The following PTPRE variants were observed in gnomAD, a reference collection of about 807,000 sequenced individuals.
PTPRE encodes the protein receptor-type tyrosine-protein phosphatase epsilon.
PTPRE carries 51 observed loss-of-function variants against 102.0 expected under a neutral mutation model. That is an observed-to-expected ratio of 0.50 (90% confidence interval 0.40 to 0.63). PTPRE has a LOEUF of 0.63. Among genes scored for constraint, PTPRE ranks in the 30% least tolerant of loss-of-function variants. The probability of loss-of-function intolerance (pLI) is 0.00; values close to 1 mark genes in which losing one functional copy is unlikely to be tolerated. For synonymous variants in PTPRE, 345 were observed against 348.2 expected, an observed-to-expected ratio of 0.99 and a Z score of 0.10; for missense variants, 752 against 915.1, an observed-to-expected ratio of 0.82 and a Z score of 2.30.
At position 128,068,199 on chromosome 10, in the gene PTPRE, CT is replaced by C; in HGVS notation, c.924del (p.Phe308LeufsTer7). 6.2e-7 allele frequency: 1 copy of C among 1,614,134 alleles called. No homozygotes were observed. Among genetic ancestry groups the C allele is most frequent in the Non-Finnish European group, 8.5e-7 (1 of 1,179,984 alleles). Reference protein sequence around the residue: ...HFTSWPDFGVPFTPIGMLKFL... With the variant: ...HFTSWPDFGVXFTPIGMLKFL... ...ACCAGCTGGCCCGACTTCGGAGTGC[CT>C]TTTACCCCCATTGGGATGCTGAAGT... On this transcript the variant is annotated frameshift_variant, in exon 12 of 21. Coordinates refer to ENST00000254667, the MANE Select transcript of PTPRE (RefSeq NM_006504.6). LOFTEE classifies it high-confidence loss of function.
chr10:128,047,912 C>T lies in PTPRE; in HGVS notation c.283+75C>T, dbSNP rs148254716. The T allele has an allele frequency of 2.1e-6, 3 of 1,435,258 alleles. No individual in the cohort carries two copies. In the African/African-American group the frequency reaches 4.3e-5, roughly 21 times the overall value. The allele number at this position is 1,435,258 out of a possible 1,614,324, so 88.9% of individuals were successfully genotyped here. On this transcript the variant is annotated intron_variant, in intron 5 of 20. Coordinates refer to ENST00000254667, the MANE Select transcript of PTPRE (RefSeq NM_006504.6). The stretch of plus-strand genomic sequence containing the variant: ...TTAGCAGACACTGAGGTGCTTTCTG[C>T]CTTTAACGTTCAAAGTAAATTTTGA...
intron 3 of PTPRE, among the ~76,000 whole-genome samples, chr10:128,045,730 C>A (rs1848036772): frequency 6.6e-6 from 1 of 152,236 alleles, no homozygotes; most frequent in African/African-American, 2.4e-5. Flanking sequence ...GGCCAGCTCA[C>A]TTCCCCAGGG....
chr10:128,007,518 G>T (rs575512855), intron 2 of PTPRE, among the ~76,000 whole-genome samples: 1 of 152,284 alleles, frequency 6.6e-6, no homozygotes, highest in African/African-American at 2.4e-5. Context: ...CCTGAAAGGG[G>T]ATGTTTGTCT....
At chr10:128,040,060 C>T (rs1157273922) in intron 2 of PTPRE, among the ~76,000 whole-genome samples, 1 of 152,156 alleles carries the variant, frequency 6.6e-6, no homozygotes, top group Non-Finnish European at 1.5e-5. Context: ...CTGGGCATTC[C>T]CACCCCCTAC....
intron 1 of PTPRE, among the ~76,000 whole-genome samples, chr10:127,952,788 A>C (rs769329196): frequency 1.3e-5 from 2 of 152,190 alleles, no homozygotes; most frequent in South Asian, 4.1e-4. Flanking sequence ...CTCTGAGTCC[A>C]TTCTTTGGGT....
intron 1 of PTPRE, among the ~76,000 whole-genome samples, chr10:127,967,257 G>A (rs552439500): frequency 6.6e-6 from 1 of 152,196 alleles, no homozygotes; most frequent in South Asian, 2.1e-4. Flanking sequence ...CTCCAAAATA[G>A]TAGCTCAAGC....
chr10:128,070,231 T>G lies in PTPRE; in HGVS notation c.1144-70T>G. ...AAGAAGAAAGCCGCCCTCTTTGGTCTGCCAAGCTCCACGTGGGCCAAGACT... is the reference window on the plus strand; with the variant it reads ...AAGAAGAAAGCCGCCCTCTTTGGTCGGCCAAGCTCCACGTGGGCCAAGACT... On this transcript the variant is annotated intron_variant, in intron 13 of 20. Coordinates refer to ENST00000254667, the MANE Select transcript of PTPRE (RefSeq NM_006504.6). The surrounding 1 kb of genome is among the most constrained non-coding windows in gnomAD (Gnocchi z 4.8). The G allele has an allele frequency of 6.6e-7, 1 of 1,504,956 alleles. No homozygotes were observed. Among genetic ancestry groups the G allele is most frequent in the South Asian group, 1.3e-5 (1 of 74,712 alleles). 93.2% of individuals were successfully genotyped at this position (1,504,956 alleles called of 1,614,324 possible).
chr10:127,986,665 TTG>T (rs1422452250), intron 2 of PTPRE, among the ~76,000 whole-genome samples: 5 of 152,184 alleles, frequency 3.3e-5, no homozygotes, highest in African/African-American at 1.2e-4. Flanking sequence ...TCTGACTCAT[TTG>T]TGTTTCTTGA....
chr10:128,029,182 G>T (rs575085027), intron 2 of PTPRE, among the ~76,000 whole-genome samples: 176 of 152,270 alleles, frequency 1.2e-3, no homozygotes, highest in African/African-American at 4.2e-3. Flanking sequence ...GCTCGTGGGG[G>T]CTCAGGGCCC....
intron 1 of PTPRE, among the ~76,000 whole-genome samples, chr10:127,947,898 T>C (rs1373291459): frequency 1.3e-5 from 2 of 152,196 alleles, no homozygotes; most frequent in Non-Finnish European, 2.9e-5. Flanking sequence ...GTTGTGGGAC[T>C]TCTCAGCCCA....
At chr10:127,924,319 G>T (rs376359434) in intron 1 of PTPRE, among the ~76,000 whole-genome samples, 3 of 152,086 alleles carry the variant, frequency 2.0e-5, no homozygotes, top group Non-Finnish European at 2.9e-5. Flanking sequence ...TTCGCCTCCC[G>T]GATTCAAGTG....
intron 2 of PTPRE, among the ~76,000 whole-genome samples, chr10:127,985,625 T>C (rs907801959): frequency 1.3e-5 from 2 of 152,170 alleles, no homozygotes; most frequent in Admixed American, 6.5e-5. Flanking sequence ...GCTGTGGTTA[T>C]CACTGCTACT....
intron 1 of PTPRE, among the ~76,000 whole-genome samples, chr10:127,952,871 T>G (rs1849136270): frequency 6.6e-6 from 1 of 152,162 alleles, no homozygotes; most frequent in Admixed American, 6.5e-5. Context: ...TAGCAACCAC[T>G]CTGGACTTAT....
intron 1 of PTPRE, among the ~76,000 whole-genome samples, chr10:127,972,066 G>A (rs1417574440): frequency 1.3e-5 from 2 of 152,146 alleles, no homozygotes; most frequent in Non-Finnish European, 2.9e-5. Flanking sequence ...CCTAGGCAGG[G>A]GCACATCAGA....
intron 1 of PTPRE, among the ~76,000 whole-genome samples, chr10:127,981,118 C>T (rs757899199): frequency 6.6e-6 from 1 of 152,132 alleles, no homozygotes; most frequent in Admixed American, 6.5e-5. Flanking sequence ...GAATATTATT[C>T]AGCCATTAAA....
chr10:128,077,757 C>T lies in PTPRE; in HGVS notation c.1866C>T (p.Gly622=). The T allele has an allele frequency of 6.2e-7, 1 of 1,606,678 alleles. No individual in the cohort carries two copies. ...AAVQKQQQQT[G]NHPITVHCSA... is the part of the protein sequence containing the mutation. ...TGCAGAAGCAGCAGCAGCAGACAGGCAACCACCCCATCACCGTGCACTGCA... is the reference window on the plus strand; with the variant it reads ...TGCAGAAGCAGCAGCAGCAGACAGGTAACCACCCCATCACCGTGCACTGCA... Residue 622 remains glycine (G), a synonymous_variant, in exon 19 of 21, where the codon GGC becomes GGT. Transcript: ENST00000254667.
chr10:128,016,768 G>A (rs1564886511), intron 2 of PTPRE, among the ~76,000 whole-genome samples: 1 of 152,228 alleles, frequency 6.6e-6, no homozygotes, highest in Non-Finnish European at 1.5e-5. Context: ...TTGTTGGTAT[G>A]ACTTGCCTTT....
At chr10:127,978,951 G>T (rs1384059279) in intron 1 of PTPRE, among the ~76,000 whole-genome samples, 1 of 152,286 alleles carries the variant, frequency 6.6e-6, no homozygotes, top group Admixed American at 6.5e-5. Flanking sequence ...AACCCAGGAG[G>T]CAGGGGCTGC....
intron 1 of PTPRE, among the ~76,000 whole-genome samples, chr10:127,969,385 G>A (rs929824749): frequency 1.3e-5 from 2 of 152,192 alleles, no homozygotes; most frequent in African/African-American, 4.8e-5. Flanking sequence ...TAAAGGGGAT[G>A]GGCCAGGTGT....
Sources: allele counts gnomAD v4.1 joint callset (sites outside exome capture counted in the v4.1 genomes callset), GRCh38; gene constraint gnomAD v4.1.1; non-coding constraint Gnocchi (gnomAD v3.1); transcripts MANE v1.5; gene names NCBI Gene and HGNC (gene_info 2026-07-23, HGNC 2026-07-21).